PIP4K2A: variants seen among roughly 807,000 people sequenced by gnomAD.
PIP4K2A encodes phosphatidylinositol-5-phosphate 4-kinase type 2 alpha.
A neutral mutation model predicts 42.9 loss-of-function variants in PIP4K2A; 14 were observed. That is an observed-to-expected ratio of 0.33 (90% CI 0.22 to 0.51). The LOEUF (loss-of-function observed/expected upper bound fraction) is 0.51, where lower values mean the gene tolerates loss of function less well. PIP4K2A is among the 20% of genes least tolerant of loss of function. PIP4K2A has a pLI of 0.97. For synonymous variants in PIP4K2A, 192 were observed against 192.2 expected (o/e 1.00, Z 0.01); for missense variants, 434 against 519.8 (o/e 0.83, Z 1.61).
chr10:22,565,833 A>C (rs550370936), intron 6 of PIP4K2A, among the ~76,000 whole-genome samples: 2 of 27,858 alleles, frequency 7.2e-5, no homozygotes, highest in Admixed American at 4.6e-4. Context: ...ACAGGCTTAT[A>C]AACAGCCCCC....
intron 1 of PIP4K2A, among the ~76,000 whole-genome samples, chr10:22,624,550 T>A (rs745372989): frequency 2.1e-4 from 31 of 150,320 alleles, no homozygotes; most frequent in Non-Finnish European, 2.8e-4. Flanking sequence ...GGAAGAAGAA[T>A]GCAAGCACTT....
At chr10:22,690,365 T>C (rs1564468741) in intron 1 of PIP4K2A, among the ~76,000 whole-genome samples, 2 of 152,214 alleles carry the variant, frequency 1.3e-5, no homozygotes. Flanking sequence ...TGCTACACTC[T>C]GTAAGTTAAT....
intron 6 of PIP4K2A, among the ~76,000 whole-genome samples, chr10:22,558,580 A>T (rs1836610100): frequency 6.6e-6 from 1 of 152,240 alleles, no homozygotes; most frequent in Non-Finnish European, 1.5e-5. Context: ...GTTTTGCACA[A>T]ATAGTACATA....
intron 1 of PIP4K2A, among the ~76,000 whole-genome samples, chr10:22,685,103 T>C (rs147800321): frequency 1.3e-3 from 191 of 152,280 alleles, no homozygotes; most frequent in African/African-American, 4.0e-3. Flanking sequence ...ACATTTTCAA[T>C]AGGACTTTGA....
chr10:22,638,010 T>A (rs914078643), intron 1 of PIP4K2A, among the ~76,000 whole-genome samples: 16 of 152,174 alleles, frequency 1.1e-4, no homozygotes, highest in African/African-American at 3.9e-4. Flanking sequence ...AGATACTGAG[T>A]GCCGCAATTC....
chr10:22,587,668 C>A (rs973082781), intron 4 of PIP4K2A, among the ~76,000 whole-genome samples: 1 of 152,126 alleles, frequency 6.6e-6, no homozygotes, highest in African/African-American at 2.4e-5. Flanking sequence ...CAGGCTGAGC[C>A]CACCACCCAG....
At chr10:22,644,912 T>G (rs1427702976) in intron 1 of PIP4K2A, among the ~76,000 whole-genome samples, 3 of 152,234 alleles carry the variant, frequency 2.0e-5, no homozygotes, top group South Asian at 4.1e-4. Flanking sequence ...GAAAAAGAAC[T>G]GCTTCGGTTA....
intron 1 of PIP4K2A, among the ~76,000 whole-genome samples, chr10:22,634,008 C>A (rs1011838097): frequency 6.6e-6 from 1 of 152,182 alleles, no homozygotes; most frequent in African/African-American, 2.4e-5. Flanking sequence ...AGAGTAGACG[C>A]TTAATAGATC....
intron 9 of PIP4K2A, 193 bp downstream of exon 9, chr10:22,539,778 T>C (rs1836042949): frequency 5.0e-6 from 3 of 596,880 alleles, no homozygotes; most frequent in African/African-American, 1.9e-5. Flanking sequence ...AGAACATGAC[T>C]TGCCCCCAGG....
At chr10:22,611,228 A>C (rs1320083014) in intron 1 of PIP4K2A, among the ~76,000 whole-genome samples, 2 of 152,120 alleles carry the variant, frequency 1.3e-5, no homozygotes, top group East Asian at 3.9e-4. Flanking sequence ...AACAAATAAA[A>C]AAATAACAAA....
chr10:22,536,963 C>A lies in PIP4K2A; in HGVS notation c.*238G>T, dbSNP rs1835948767. 1 of 304,046 alleles carries A rather than the reference C, an allele frequency of 3.3e-6. No individual in the cohort carries two copies. 18.8% of individuals were successfully genotyped at this position (304,046 alleles called of 1,614,324 possible). ...CACACGCGCGCACACACTCACCCCC[C>A]CCCAACACACACACACACACATATA... On this transcript the variant is annotated 3_prime_UTR_variant, in exon 10 of 10. Coordinates refer to ENST00000376573, the MANE Select transcript of PIP4K2A (RefSeq NM_005028.5).
At chr10:22,551,904 A>C (rs1365419549) in intron 6 of PIP4K2A, among the ~76,000 whole-genome samples, 1 of 152,122 alleles carries the variant, frequency 6.6e-6, no homozygotes, top group Non-Finnish European at 1.5e-5. Flanking sequence ...CGAACTGTTC[A>C]CTTCCCCTCC....
intron 3 of PIP4K2A, among the ~76,000 whole-genome samples, chr10:22,605,298 T>A (rs895676089): frequency 3.9e-5 from 6 of 151,972 alleles, no homozygotes; most frequent in African/African-American, 1.2e-4. Flanking sequence ...CACACCACTC[T>A]CCCCAACAGG....
At chr10:22,604,497 C>T (rs574657680) in intron 3 of PIP4K2A, among the ~76,000 whole-genome samples, 3 of 152,006 alleles carry the variant, frequency 2.0e-5, no homozygotes, top group Admixed American at 2.0e-4. Context: ...AGCCGCTTGT[C>T]CAAAATGCAA....
At chr10:22,664,106 T>TATATATATACATATATATATAC (rs1839277626) in intron 1 of PIP4K2A, among the ~76,000 whole-genome samples, 2 of 71,274 alleles carry the variant, frequency 2.8e-5, no homozygotes, top group East Asian at 2.4e-4. Flanking sequence ...TATATATACA[T>TATATATATACATATATATATAC]ATATATATAC....
At chr10:22,610,877 C>T (rs973568652) in intron 1 of PIP4K2A, among the ~76,000 whole-genome samples, 9 of 152,152 alleles carry the variant, frequency 5.9e-5, no homozygotes, top group Non-Finnish European at 1.0e-4. Flanking sequence ...GCAACCCCTG[C>T]CAGGCCTCCA....
intron 1 of PIP4K2A, among the ~76,000 whole-genome samples, chr10:22,682,955 T>G (rs1839691420): frequency 6.6e-6 from 1 of 152,208 alleles, no homozygotes. Context: ...TGCGGTCATC[T>G]ACCATGTCAC....
chr10:22,647,324 A>G (rs1750776), intron 1 of PIP4K2A, among the ~76,000 whole-genome samples: 18 of 85,088 alleles, frequency 2.1e-4, no homozygotes, highest in African/African-American at 3.0e-4. Context: ...GTGTGTGTGT[A>G]TGTGTGTGTG....
chr10:22,652,611 T>C (rs573718862), intron 1 of PIP4K2A, among the ~76,000 whole-genome samples: 9 of 152,228 alleles, frequency 5.9e-5, no homozygotes, highest in Non-Finnish European at 1.2e-4. Context: ...TGAAGGTACA[T>C]TTGCTTTTAA....
Sources: allele counts gnomAD v4.1 joint callset (sites outside exome capture counted in the v4.1 genomes callset), GRCh38; gene constraint gnomAD v4.1.1; transcripts MANE v1.5; gene names NCBI Gene and HGNC (gene_info 2026-07-23, HGNC 2026-07-21).